MAPK7: variants seen among roughly 807,000 people sequenced by gnomAD.
The protein encoded by MAPK7 is mitogen-activated protein kinase 7, also known as BMK-1.
A neutral mutation model predicts 56.9 loss-of-function variants in MAPK7; 30 were observed. The observed-to-expected ratio is 0.53, with a 90% CI of 0.39 to 0.72. MAPK7 has a LOEUF of 0.72. MAPK7 is among the 30% of genes least tolerant of loss of function. MAPK7 has a pLI of 0.00. For missense variants in MAPK7, 952 were observed against 1,110.8 expected, an observed-to-expected ratio of 0.86 and a Z score of 2.03; for synonymous variants, 516 against 449.3, an observed-to-expected ratio of 1.15 and a Z score of -1.88.
chr17:19,380,305 C>T, intron 3 of MAPK7: 1 of 538,726 alleles, frequency 1.9e-6, no homozygotes. Context: ...CAAGCTGCCA[C>T]TACCAAACAA....
Position 19,379,780 on chromosome 17 carries a change from A to G in MAPK7, c.233-2A>G, listed in dbSNP as rs763675244. 1.2e-6 allele frequency: 2 copies of G among 1,613,832 alleles called. No homozygotes were observed. Among genetic ancestry groups the G allele is most frequent in the Non-Finnish European group, 1.7e-6 (2 of 1,179,886 alleles). On this transcript the variant is annotated splice_acceptor_variant, in intron 2 of 6. Transcript: ENST00000395604. LOFTEE classifies it high-confidence loss of function. ...GGTATGTCCCTTTTCCCTGCTCCTCAGGCCAGCAGGTGGCCATCAAGAAGA... is the reference window on the plus strand; with the variant it reads ...GGTATGTCCCTTTTCCCTGCTCCTCGGGCCAGCAGGTGGCCATCAAGAAGA...
In MAPK7 at chr17:19,381,931, G is replaced by A. The variant is rs953512321; in HGVS notation, c.1628G>A (p.Arg543Gln). 6 of 1,552,068 alleles carry A rather than the reference G, an allele frequency of 3.9e-6. No homozygotes were observed. The highest frequency in any genetic ancestry group is 2.4e-5 in the East Asian group (1 of 40,960). Residue 543 changes from arginine to glutamine, a missense_variant, in exon 5 of 7, where the codon CGG becomes CAG. Physicochemically the swap from Arg to Gln is conservative, Grantham distance 43. Transcript: ENST00000395604. The surrounding 1 kb of genome is among the most constrained non-coding windows in gnomAD (Gnocchi z 4.6). ...CGGCAGGAGCGGGAGCGAAAGGAAC[G>A]GGGGGCTGGGGCCTCTGGGGGCCCC... ...KRRQERERKE[R>Q]GAGASGGPST...
At chr17:19,379,325 C>T in intron 2 of MAPK7, 193 bp downstream of exon 2, 1 of 610,580 alleles carries the variant, frequency 1.6e-6, no homozygotes, top group South Asian at 2.0e-5. Context: ...GTGGTTTTGC[C>T]ATCCTGCCTG....
intron 2 of MAPK7, chr17:19,379,503 T>TAC: frequency 5.3e-6 from 3 of 560,830 alleles, no homozygotes; most frequent in Non-Finnish European, 9.5e-6. Flanking sequence ...GAGGCTGAGC[T>TAC]ACACCACTGG....
Position 19,378,924 on chromosome 17 carries a change from AGACGGCGAG to A in MAPK7, c.31_39del (p.Glu11_Gly13del), listed in dbSNP as rs763642391. On this transcript the variant is annotated inframe_deletion, in exon 2 of 7. Coordinates refer to ENST00000395604, the MANE Select transcript of MAPK7 (RefSeq NM_002749.4). This position sits in a 1 kb window ranked among gnomAD's most constrained non-coding sequence, Gnocchi z 5.4. ...CCATGGCCGAGCCTCTGAAGGAGGA[AGACGGCGAG>A]GACGGCTCTGCGGAGCCCCCCGGGC... 2.5e-6 allele frequency: 4 copies of A among 1,580,686 alleles called. No homozygotes were observed. Among genetic ancestry groups the A allele is most frequent in the Non-Finnish European group, 3.4e-6 (4 of 1,162,652 alleles).
chr17:19,383,174 G>A lies in MAPK7; in HGVS notation c.2394G>A (p.Glu798=), dbSNP rs752162133. 3 of 1,614,106 alleles carry A rather than the reference G, an allele frequency of 1.9e-6. No individual in the cohort carries two copies. The highest frequency in any genetic ancestry group is 2.5e-6 in the Non-Finnish European group (3 of 1,180,020). The part of the protein sequence containing the change: ...NPADIESLQR[E]IQMDSPMLLA... ...CCGATATTGAGTCCCTGCAGCGTGAGATCCAGATGGACTCCCCAATGCTGC... is the reference window on the plus strand; with the variant it reads ...CCGATATTGAGTCCCTGCAGCGTGAAATCCAGATGGACTCCCCAATGCTGC... Residue 798 remains glutamate (E), a synonymous_variant, in exon 7 of 7, where the codon GAG becomes GAA. Transcript: ENST00000395604.
At position 19,380,714 on chromosome 17, in the gene MAPK7, G is replaced by T. The variant is rs1368513680; in HGVS notation, c.505G>T (p.Gly169Cys). 1 of 1,614,040 alleles carries T rather than the reference G, an allele frequency of 6.2e-7. No homozygotes were observed. The highest frequency in any genetic ancestry group is 8.5e-7 in the Non-Finnish European group (1 of 1,180,030). Reference protein sequence around the residue: ...VRYFLYQLLRGLKYMHSAQVI... With the variant: ...VRYFLYQLLRCLKYMHSAQVI... ...CTACTTCCTGTACCAACTGCTGCGG[G>T]GCCTGAAGTACATGCACTCGGCTCA... is the stretch of plus-strand genomic sequence containing the variant. Residue 169 changes from glycine (G) to cysteine (C), a missense_variant, in exon 4 of 7, where the codon GGC (glycine) becomes TGC (cysteine). Physicochemically the swap from Gly to Cys is radical, Grantham distance 159. Transcript: ENST00000395604.
chr17:19,381,384 G>A lies in MAPK7; in HGVS notation c.1175G>A (p.Arg392His), dbSNP rs758579521. The A allele has an allele frequency of 2.0e-5, 32 of 1,614,128 alleles. No individual in the cohort carries two copies. The highest frequency in any genetic ancestry group is 1.0e-4 in the Admixed American group (6 of 59,988). Residue 392 changes from arginine to histidine, a missense_variant, in exon 4 of 7, where the codon CGT becomes CAT. Transcript: ENST00000395604. The surrounding 1 kb of genome is among the most constrained non-coding windows in gnomAD (Gnocchi z 4.6). ...GAAATTGAGGACTTCCATGCAAGGCGTGAGGGCATCCGCCAACAGATCCGC... is the reference window on the plus strand; with the variant it reads ...GAAATTGAGGACTTCCATGCAAGGCATGAGGGCATCCGCCAACAGATCCGC... The part of the protein sequence containing the change: ...VAEIEDFHAR[R>H]EGIRQQIRFQ...
Position 19,381,732 on chromosome 17 carries a change from G to C in MAPK7, c.1477+46G>C, listed in dbSNP as rs1448190955. The C allele has an allele frequency of 2.6e-6, 4 of 1,543,498 alleles. No homozygotes were observed. The highest frequency in any genetic ancestry group is 2.6e-5 in the South Asian group (2 of 78,202). Reference sequence around the variant, plus strand: ...GTGGGCAGAGGGGAGACTTGGACTTGGACAAGGCTTCAGGCTTTTACCTTC... The same window carrying C: ...GTGGGCAGAGGGGAGACTTGGACTTCGACAAGGCTTCAGGCTTTTACCTTC... On this transcript the variant is annotated intron_variant, in intron 4 of 6. Transcript: ENST00000395604. The surrounding 1 kb of genome is among the most constrained non-coding windows in gnomAD (Gnocchi z 4.6).
chr17:19,380,283 A>G (rs1410523726), intron 3 of MAPK7: 2 of 498,904 alleles, frequency 4.0e-6, no homozygotes, highest in Non-Finnish European at 6.8e-6. Context: ...GTCAATTTTC[A>G]TCATAGTTCT....
In MAPK7 at chr17:19,381,918, G is replaced by A. The variant is rs1912715610; in HGVS notation, c.1615G>A (p.Glu539Lys). Residue 539 changes from glutamate (E) to lysine (K), a missense_variant, in exon 5 of 7, where the codon GAG becomes AAG. This residue lies in a region of MAPK7 where 429 missense variants were observed against 533.0 expected (regional missense o/e 0.80). Transcript: ENST00000395604. This position sits in a 1 kb window ranked among gnomAD's most constrained non-coding sequence, Gnocchi z 4.6. ...GCGGGAGAAACGGCGGCAGGAGCGG[G>A]AGCGAAAGGAACGGGGGGCTGGGGC... ...KEREKRRQER[E>K]RKERGAGASG... The A allele has an allele frequency of 6.4e-7, 1 of 1,553,926 alleles. No homozygotes were observed. The highest frequency in any genetic ancestry group is 8.7e-7 in the Non-Finnish European group (1 of 1,148,322).
At position 19,383,447 on chromosome 17, in the gene MAPK7, T is replaced by C. The variant is rs1912893730; in HGVS notation, c.*216T>C. 2.2e-6 allele frequency: 1 copy of C among 445,406 alleles called. No homozygotes were observed. Among genetic ancestry groups the C allele is most frequent in the Admixed American group, 4.0e-5 (1 of 25,210 alleles). The allele number at this position is 445,406 out of a possible 1,614,324, so 27.6% of individuals were successfully genotyped here. ...CCCCAACTCCCCCTGAACAATCCTT[T>C]TCAGTATTATATTTTTATTATTATT... On this transcript the variant is annotated 3_prime_UTR_variant, in exon 7 of 7. Coordinates refer to ENST00000395604, the MANE Select transcript of MAPK7 (RefSeq NM_002749.4).
intron 2 of MAPK7, 181 bp from the exon 3 acceptor site, chr17:19,379,601 T>C: frequency 1.6e-6 from 1 of 610,108 alleles, no homozygotes. Flanking sequence ...AGGGGAGTTG[T>C]GAAGGTAACA....
Position 19,380,685 on chromosome 17 carries a change from T to C in MAPK7, c.476T>C (p.Val159Ala). Reference protein sequence around the residue: ...HSSQPLTLEHVRYFLYQLLRG... With the variant: ...HSSQPLTLEHARYFLYQLLRG... ...TCACAGCCCCTCACACTGGAACACG[T>C]GCGCTACTTCCTGTACCAACTGCTG... Residue 159 changes from valine to alanine, a missense_variant, in exon 4 of 7, where the codon GTG becomes GCG. Physicochemically the swap from Val to Ala is moderately conservative, Grantham distance 64. Transcript: ENST00000395604. The C allele has an allele frequency of 6.2e-7, 1 of 1,614,150 alleles. No homozygotes were observed. Among genetic ancestry groups the C allele is most frequent in the South Asian group, 1.1e-5 (1 of 91,088 alleles).
chr17:19,378,194 G>T (rs1053727228), upstream of MAPK7: 51 of 984,322 alleles, frequency 5.2e-5, no homozygotes, highest in Non-Finnish European at 5.7e-5. This position sits in a 1 kb window ranked among gnomAD's most constrained non-coding sequence, Gnocchi z 5.4. Context: ...AGAGCTTCAT[G>T]GGGACGCGCG....
chr17:19,380,921 G>C lies in MAPK7; in HGVS notation c.712G>C (p.Glu238Gln). ...GCCCGAGCTCATGCTCTCTTTGCAT[G>C]AGTATACACAGGCTATTGACCTCTG... is the stretch of plus-strand genomic sequence containing the variant. ...RAPELMLSLH[E>Q]YTQAIDLWSV... is the part of the protein sequence containing the mutation. Residue 238 changes from glutamate to glutamine, a missense_variant, in exon 4 of 7, where the codon GAG (glutamate) becomes CAG (glutamine). By Grantham distance (29) the Glu-to-Gln change is conservative. Transcript: ENST00000395604. 4 of 1,614,202 alleles carry C rather than the reference G, an allele frequency of 2.5e-6. No homozygotes were observed. The highest frequency in any genetic ancestry group is 3.4e-6 in the Non-Finnish European group (4 of 1,180,042).
intron 5 of MAPK7, 62 bp from the exon 6 acceptor site, chr17:19,382,751 A>G: frequency 6.3e-7 from 1 of 1,588,704 alleles, no homozygotes; most frequent in Non-Finnish European, 8.6e-7. Context: ...AGTCAGCAGC[A>G]TTGGGACAGG....
In MAPK7 at chr17:19,381,188, A is replaced by G. The variant is rs1912625152; in HGVS notation, c.979A>G (p.Met327Val). The change falls in exon 4 of 7, where the codon ATG becomes GTG. Residue 327 changes from methionine (M) to valine (V), a missense_variant. This residue lies in a region of MAPK7 where 429 missense variants were observed against 533.0 expected (regional missense o/e 0.80). Coordinates refer to ENST00000395604, the MANE Select transcript of MAPK7 (RefSeq NM_002749.4). This position sits in a 1 kb window ranked among gnomAD's most constrained non-coding sequence, Gnocchi z 4.6. ...CCAGGCCCTATCACTGCTGGGTCGC[A>G]TGCTGCGTTTTGAGCCCAGCGCTCG... Reference protein sequence around the residue: ...DRQALSLLGRMLRFEPSARIS... With the variant: ...DRQALSLLGRVLRFEPSARIS... The G allele has an allele frequency of 6.2e-6, 10 of 1,614,016 alleles. No individual in the cohort carries two copies. Among genetic ancestry groups the G allele is most frequent in the South Asian group, 4.4e-5 (4 of 91,086 alleles).
In MAPK7 at chr17:19,381,001, C is replaced by G. The variant is rs762374852; in HGVS notation, c.792C>G (p.Gly264=). The G allele has an allele frequency of 1.2e-6, 2 of 1,614,158 alleles. No homozygotes were observed. Among genetic ancestry groups the G allele is most frequent in the South Asian group, 2.2e-5 (2 of 91,084 alleles). The change falls in exon 4 of 7, where the codon GGC becomes GGG. Residue 264 remains glycine, a synonymous_variant. Coordinates refer to ENST00000395604, the MANE Select transcript of MAPK7 (RefSeq NM_002749.4). The surrounding 1 kb of genome is among the most constrained non-coding windows in gnomAD (Gnocchi z 4.6). The part of the protein sequence containing the change: ...EMLARRQLFP[G]KNYVHQLQLI... Reference sequence around the variant, plus strand: ...TGGCCCGGCGCCAGCTCTTCCCAGGCAAAAACTATGTACACCAGCTACAGC... The same window carrying G: ...TGGCCCGGCGCCAGCTCTTCCCAGGGAAAAACTATGTACACCAGCTACAGC...
Sources: gnomAD v4.1 joint callset for allele counts on GRCh38, gnomAD v4.1.1 for gene constraint, gnomAD v4.1.1 regional missense constraint, Gnocchi (gnomAD v3.1) non-coding constraint, MANE v1.5 for transcripts, NCBI Gene and HGNC (gene_info 2026-07-23, HGNC 2026-07-21) for gene names.